Variants in ATRN observed in about 807,000 individuals in gnomAD.
The protein encoded by ATRN is attractin-2.
ATRN carries 54 observed loss-of-function variants against 178.7 expected under a neutral mutation model. The ratio of observed to expected loss-of-function variants is 0.30; its 90% confidence interval spans 0.24 to 0.38. The LOEUF is 0.38. Among genes scored for constraint, ATRN ranks in the 10% least tolerant of loss-of-function variants. ATRN has a pLI of 1.00. For synonymous variants in ATRN, 636 were observed against 663.0 expected (o/e 0.96, Z 0.63); for missense variants, 1,443 against 1,815.1 (o/e 0.79, Z 3.73).
chr20:3,596,469 GTTCAGTAAAAC>G (rs1205788368), intron 21 of ATRN, 40 bp downstream of exon 21: 21 of 1,568,592 alleles, frequency 1.3e-5, no homozygotes, highest in Non-Finnish European at 1.8e-5. Flanking sequence ...AAGCAAAGTA[GTTCAGTAAAAC>G]TTCATTGTTT....
chr20:3,646,795 C>T lies in ATRN; in HGVS notation c.4238C>T (p.Ala1413Val). Residue 1413 changes from alanine to valine, a missense_variant, in exon 29 of 29, where the codon GCC (alanine) becomes GTC (valine). Coordinates refer to ENST00000262919, the MANE Select transcript of ATRN (RefSeq NM_139321.3). Reference protein sequence around the residue: ...MPIVYKEKSGAVRNRKQQPPA... With the variant: ...MPIVYKEKSGVVRNRKQQPPA... ...ATAGTGTACAAGGAGAAGTCAGGAG[C>T]CGTGAGAAACCGGAAGCAGCAGCCC... 6.2e-7 allele frequency: 1 copy of T among 1,611,526 alleles called. No homozygotes were observed. Among genetic ancestry groups the T allele is most frequent in the Non-Finnish European group, 8.5e-7 (1 of 1,178,962 alleles).
At chr20:3,528,396 G>A (rs770608596) in intron 1 of ATRN, among the ~76,000 whole-genome samples, 38 of 151,826 alleles carry the variant, frequency 2.5e-4, no homozygotes, top group Non-Finnish European at 5.0e-4. Context: ...CATATACTCC[G>A]TGGAATACTA....
At position 3,648,213 on chromosome 20, in the gene ATRN, G is replaced by A. The variant is rs1377328537; in HGVS notation, c.*1366G>A. 1 of 150,208 alleles carries A rather than the reference G, an allele frequency of 6.7e-6. No homozygotes were observed. Among genetic ancestry groups the A allele is most frequent in the East Asian group, 2.0e-4 (1 of 5,082 alleles). 9.3% of individuals were successfully genotyped at this position (150,208 alleles called of 1,614,324 possible). On this transcript the variant is annotated 3_prime_UTR_variant, in exon 29 of 29. Transcript: ENST00000262919. ...ACCCTCCCTCTCAGACCAAGGTGGT[G>A]GCTGTGAGGAGGGCAGCAAATGCTG...
intron 2 of ATRN, among the ~76,000 whole-genome samples, chr20:3,536,049 TG>T (rs767085668): frequency 3.3e-5 from 5 of 152,172 alleles, no homozygotes; most frequent in Non-Finnish European, 5.9e-5. Flanking sequence ...ATTGCCTAAA[TG>T]ATCCCTTCTC....
chr20:3,599,591 T>TGA (rs2086579320), intron 22 of ATRN, among the ~76,000 whole-genome samples: 1 of 152,216 alleles, frequency 6.6e-6, no homozygotes, highest in Non-Finnish European at 1.5e-5. Flanking sequence ...CACGTAGACT[T>TGA]TTTTCAACCA....
intron 24 of ATRN, among the ~76,000 whole-genome samples, chr20:3,620,169 G>A (rs568261879): frequency 6.6e-6 from 1 of 151,528 alleles, no homozygotes; most frequent in African/African-American, 2.4e-5. Context: ...TTTTTTCAAT[G>A]CAGTTCCTGA....
intron 1 of ATRN, among the ~76,000 whole-genome samples, chr20:3,487,744 T>C (rs542409833): frequency 1.3e-5 from 2 of 152,334 alleles, no homozygotes; most frequent in East Asian, 3.9e-4. Context: ...TATTTTCTTA[T>C]GGGTACCTAG....
chr20:3,641,085 C>G (rs1386461083), intron 27 of ATRN, among the ~76,000 whole-genome samples: 2 of 152,084 alleles, frequency 1.3e-5, no homozygotes, highest in Admixed American at 6.5e-5. Context: ...GGAAGTAGAA[C>G]AGTGGTTCAC....
chr20:3,584,220 G>T (rs2086323226), intron 17 of ATRN, 137 bp downstream of exon 17: 2 of 904,894 alleles, frequency 2.2e-6, no homozygotes, highest in Non-Finnish European at 3.4e-6. Flanking sequence ...CCTGACCAGA[G>T]ACTGCCATCG....
chr20:3,480,780 A>C (rs1212721335), intron 1 of ATRN, among the ~76,000 whole-genome samples: 1 of 152,260 alleles, frequency 6.6e-6, no homozygotes, highest in South Asian at 2.1e-4. Flanking sequence ...GTTTATGATC[A>C]GAACAGTTTT....
chr20:3,492,258 G>A (rs1470720340), intron 1 of ATRN, among the ~76,000 whole-genome samples: 1 of 151,070 alleles, frequency 6.6e-6, no homozygotes, highest in Admixed American at 6.6e-5. Context: ...CACAAGAGAG[G>A]TAGGAGTGGG....
rs6051990 is a variant in ATRN at position 3,637,004 on chromosome 20, A to G, written c.3943-1824A>G. Among the ~76,000 whole-genome samples the G allele has an allele frequency of 8.5e-5, 13 of 152,368 alleles. 1 individual carries two copies. The highest frequency in any genetic ancestry group is 3.1e-4 in the African/African-American group (13 of 41,590). ...CTTAAGTATATCAAAAAATAAATGAATAACACAGAAGCTAAACAATCAACT... is the reference window on the plus strand; with the variant it reads ...CTTAAGTATATCAAAAAATAAATGAGTAACACAGAAGCTAAACAATCAACT... On this transcript the variant is annotated intron_variant, in intron 26 of 28. Coordinates refer to ENST00000262919, the MANE Select transcript of ATRN (RefSeq NM_139321.3).
chr20:3,621,153 A>AC (rs2086894460), intron 24 of ATRN, among the ~76,000 whole-genome samples: 1 of 152,056 alleles, frequency 6.6e-6, no homozygotes, highest in Non-Finnish European at 1.5e-5. Flanking sequence ...ATGGTGAGGG[A>AC]GCGTAGAGGA....
At chr20:3,562,235 G>A (rs370113491) in intron 8 of ATRN, 41 bp from the exon 9 acceptor site, 15 of 1,546,908 alleles carry the variant, frequency 9.7e-6, no homozygotes, top group Admixed American at 8.8e-5. Context: ...GTAGAGAGGA[G>A]GAGCCTGCCA....
intron 20 of ATRN, among the ~76,000 whole-genome samples, chr20:3,594,957 C>T (rs942686016): frequency 6.6e-6 from 1 of 152,068 alleles, no homozygotes; most frequent in African/African-American, 2.4e-5. Flanking sequence ...ATTTATTTGG[C>T]GTTTGGTTGT....
chr20:3,527,927 G>A (rs1250645398), intron 1 of ATRN, among the ~76,000 whole-genome samples: 1 of 151,924 alleles, frequency 6.6e-6, no homozygotes, highest in African/African-American at 2.4e-5. Flanking sequence ...GGGAGGGTGG[G>A]GGGCTAGGGG....
At chr20:3,626,351 G>A (rs1428635455) in intron 25 of ATRN, among the ~76,000 whole-genome samples, 1 of 151,972 alleles carries the variant, frequency 6.6e-6, no homozygotes, top group African/African-American at 2.4e-5. Context: ...GAGAAGGCTA[G>A]TGCTGTTATA....
At chr20:3,615,577 A>C (rs1194285443) in intron 24 of ATRN, among the ~76,000 whole-genome samples, 1 of 126,168 alleles carries the variant, frequency 7.9e-6, no homozygotes, top group African/African-American at 3.1e-5. Flanking sequence ...TTTTTTGGAG[A>C]CAGAGTCTCA....
At chr20:3,519,006 T>TATA (rs770584938) in intron 1 of ATRN, among the ~76,000 whole-genome samples, 84 of 119,508 alleles carry the variant, frequency 7.0e-4, no homozygotes, top group African/African-American at 2.7e-3. Context: ...TCCTTATATA[T>TATA]AAAAAAAAAA....
Sources: allele counts gnomAD v4.1 joint callset (sites outside exome capture counted in the v4.1 genomes callset), GRCh38; gene constraint gnomAD v4.1.1; transcripts MANE v1.5; gene names NCBI Gene and HGNC (gene_info 2026-07-23, HGNC 2026-07-21).